COL24A1: variants seen among roughly 807,000 people sequenced by gnomAD.
COL24A1 encodes collagen alpha-1(XXIV) chain.
A neutral mutation model predicts 253.9 loss-of-function variants in COL24A1; 224 were observed. The observed-to-expected ratio is 0.88, with a 90% CI of 0.79 to 0.99. COL24A1 has a LOEUF of 0.99. COL24A1 is among the 50% of genes least tolerant of loss of function. The probability of loss-of-function intolerance (pLI) is 0.00; values close to 1 mark genes in which losing one functional copy is unlikely to be tolerated. For missense variants in COL24A1, 2,131 were observed against 2,068.5 expected, an observed-to-expected ratio of 1.03 and a Z score of -0.59; for synonymous variants, 685 against 673.7, an observed-to-expected ratio of 1.02 and a Z score of -0.26.
intron 24 of COL24A1, among the ~76,000 whole-genome samples, chr1:85,942,858 T>C (rs527741371): frequency 9.1e-4 from 139 of 152,250 alleles, no homozygotes; most frequent in African/African-American, 3.3e-3. Context: ...AGGGGATGCT[T>C]ATGGGTGCCA....
intron 32 of COL24A1, among the ~76,000 whole-genome samples, chr1:85,881,880 C>T (rs370126042): frequency 2.6e-5 from 4 of 152,168 alleles, no homozygotes; most frequent in African/African-American, 9.6e-5. Flanking sequence ...CTTCTGCTTA[C>T]TTTGTATTTA....
chr1:86,094,184 G>C (rs1365960121), intron 5 of COL24A1, among the ~76,000 whole-genome samples: 1 of 152,174 alleles, frequency 6.6e-6, no homozygotes, highest in East Asian at 1.9e-4. Context: ...AAAGACAAAT[G>C]CATGCATATG....
At chr1:86,042,783 A>G (rs1171755299) in intron 12 of COL24A1, among the ~76,000 whole-genome samples, 1 of 152,176 alleles carries the variant, frequency 6.6e-6, no homozygotes. Context: ...GATTTATAGT[A>G]ACATCTTCCC....
At chr1:86,146,227 C>G in intron 1 of COL24A1, 44 bp from the exon 2 acceptor site, 1 of 1,457,122 alleles carries the variant, frequency 6.9e-7, no homozygotes, top group Non-Finnish European at 9.6e-7. Flanking sequence ...ACTAGTTGGA[C>G]ATTTACAACC....
chr1:85,813,918 T>C (rs1672825088), intron 47 of COL24A1, among the ~76,000 whole-genome samples: 1 of 152,190 alleles, frequency 6.6e-6, no homozygotes, highest in African/African-American at 2.4e-5. Flanking sequence ...TTATTCATAG[T>C]GCAGTAGCAT....
At chr1:85,803,650 G>A (rs565861757) in intron 47 of COL24A1, among the ~76,000 whole-genome samples, 14 of 151,356 alleles carry the variant, frequency 9.2e-5, no homozygotes, top group South Asian at 6.3e-4. Context: ...AAATAATACT[G>A]CTTTAAAATT....
intron 3 of COL24A1, among the ~76,000 whole-genome samples, chr1:86,116,944 A>G (rs569814420): frequency 1.3e-5 from 2 of 152,048 alleles, no homozygotes; most frequent in African/African-American, 4.8e-5. Flanking sequence ...TATTTTACTC[A>G]TTGTCAAGAA....
chr1:85,738,689 C>T (rs982022645), intron 57 of COL24A1, among the ~76,000 whole-genome samples: 2 of 152,156 alleles, frequency 1.3e-5, no homozygotes, highest in Non-Finnish European at 2.9e-5. Context: ...CTACAGTAGG[C>T]AGAAGTCCTT....
chr1:85,998,556 A>C (rs1444460762), intron 19 of COL24A1, among the ~76,000 whole-genome samples: 1 of 152,166 alleles, frequency 6.6e-6, no homozygotes, highest in Non-Finnish European at 1.5e-5. Context: ...ATTTAACTTC[A>C]CATGTCACTG....
chr1:85,743,964 A>G (rs1190603477), intron 57 of COL24A1, among the ~76,000 whole-genome samples: 1 of 152,102 alleles, frequency 6.6e-6, no homozygotes, highest in Non-Finnish European at 1.5e-5. Flanking sequence ...ATGACCACAG[A>G]ATAACATAAC....
chr1:86,059,958 C>G (rs986701558), intron 8 of COL24A1, among the ~76,000 whole-genome samples: 4 of 152,104 alleles, frequency 2.6e-5, no homozygotes, highest in Admixed American at 2.6e-4. Flanking sequence ...CTTTCAGCCT[C>G]CAGAATTGCG....
In COL24A1 at chr1:86,003,088, T is replaced by C. The variant is rs373452936; in HGVS notation, c.2310+14063A>G. 8.5e-5 allele frequency among the ~76,000 whole-genome samples: 13 copies of C among 152,326 alleles called. No individual in the cohort carries two copies. The East Asian group carries it at 2.3e-3, about 27-fold the overall frequency. On this transcript the variant is annotated intron_variant, in intron 19 of 59. Coordinates refer to ENST00000370571, the MANE Select transcript of COL24A1 (RefSeq NM_152890.7). Reference sequence around the variant, plus strand: ...GGGAGAAGATGCAGTATGGAGCCTATGGCAGTTTGCAGTGAGAGAAACAAA... The same window carrying C: ...GGGAGAAGATGCAGTATGGAGCCTACGGCAGTTTGCAGTGAGAGAAACAAA...
chr1:86,061,562 C>G lies in COL24A1; in HGVS notation c.1752+2153G>C, dbSNP rs907893851. ...TAGAGATCTAGCTAACACATTTTAGCTATGCAGAGAAAGACACAAAAGAAT... is the reference window on the plus strand; with the variant it reads ...TAGAGATCTAGCTAACACATTTTAGGTATGCAGAGAAAGACACAAAAGAAT... On this transcript the variant is annotated intron_variant, in intron 8 of 59. Transcript: ENST00000370571. Among the ~76,000 whole-genome samples the G allele has an allele frequency of 5.9e-5, 9 of 152,046 alleles. No homozygotes were observed. In the East Asian group the frequency reaches 1.7e-3, roughly 29 times the overall value.
At chr1:85,825,042 T>G (rs2102007062) in intron 43 of COL24A1, among the ~76,000 whole-genome samples, 1 of 151,652 alleles carries the variant, frequency 6.6e-6, no homozygotes, top group East Asian at 1.9e-4. Context: ...CATCTAGCAT[T>G]AGGTATATCC....
chr1:86,045,071 C>T (rs1175611357), intron 12 of COL24A1, among the ~76,000 whole-genome samples: 3 of 152,098 alleles, frequency 2.0e-5, no homozygotes, highest in Non-Finnish European at 4.4e-5. Context: ...CTCACTGCAA[C>T]CTTATTCTCC....
intron 37 of COL24A1, among the ~76,000 whole-genome samples, chr1:85,858,233 C>T (rs1040897451): frequency 6.6e-6 from 1 of 151,986 alleles, no homozygotes; most frequent in Admixed American, 6.5e-5. Context: ...TCATACCCTT[C>T]TGCCTGTTCA....
chr1:85,877,154 C>A lies in COL24A1; in HGVS notation c.2998G>T (p.Asp1000Tyr). 2 of 1,606,426 alleles carry A rather than the reference C, an allele frequency of 1.2e-6. No individual in the cohort carries two copies. Among genetic ancestry groups the A allele is most frequent in the Non-Finnish European group, 1.7e-6 (2 of 1,176,562 alleles). The change falls in exon 33 of 60, where the codon GAT (aspartate) becomes TAT (tyrosine). Residue 1000 changes from aspartate to tyrosine, a missense_variant. By Grantham distance (160) the Asp-to-Tyr change is radical (BLOSUM62 -3). Coordinates refer to ENST00000370571, the MANE Select transcript of COL24A1 (RefSeq NM_152890.7). ...CCCATTTCTCCAGGAGGTCCAACAT[C>A]ACCTTGCAGTCCTCGCAGTCCCTAT... ...GEPGLRGLQGDVGPPGEMGME... is the reference protein window; with the variant it reads ...GEPGLRGLQGYVGPPGEMGME...
At position 85,877,178 on chromosome 1, in the gene COL24A1, A is replaced by G. The variant is rs751929952; in HGVS notation, c.2977-3T>C. On this transcript the variant is annotated splice_region_variant and splice_polypyrimidine_tract_variant and intron_variant, in intron 32 of 59. Coordinates refer to ENST00000370571, the MANE Select transcript of COL24A1 (RefSeq NM_152890.7). ...TCACCTTGCAGTCCTCGCAGTCCCT[A>G]TATTAAAATAAAATTTAAGATATGA... is the stretch of plus-strand genomic sequence containing the variant. 2 of 1,590,330 alleles carry G rather than the reference A, an allele frequency of 1.3e-6. No individual in the cohort carries two copies. Among genetic ancestry groups the G allele is most frequent in the Admixed American group, 3.6e-5 (2 of 56,330 alleles).
intron 50 of COL24A1, 71 bp from the exon 51 acceptor site, chr1:85,783,629 A>C: frequency 1.5e-6 from 2 of 1,333,258 alleles, no homozygotes; most frequent in Non-Finnish European, 2.2e-6. Flanking sequence ...AACTATATAA[A>C]TCTATCAAGA....
Sources: allele counts gnomAD v4.1 joint callset (sites outside exome capture counted in the v4.1 genomes callset), GRCh38; gene constraint gnomAD v4.1.1; transcripts MANE v1.5; gene names NCBI Gene and HGNC (gene_info 2026-07-23, HGNC 2026-07-21).